The following RIC1 variants were observed in gnomAD, a reference collection of about 807,000 sequenced individuals.
RIC1 encodes the protein guanine nucleotide exchange factor subunit RIC1.
A neutral mutation model predicts 169.0 loss-of-function variants in RIC1; 88 were observed. That is an observed-to-expected ratio of 0.52 (90% confidence interval 0.44 to 0.62). RIC1 has a LOEUF of 0.62. RIC1 is among the 20% of genes least tolerant of loss of function. The pLI is 0.00. For missense variants in RIC1, 1,877 were observed against 1,725.5 expected (o/e 1.09, Z -1.56); for synonymous variants, 790 against 601.5 (o/e 1.31, Z -4.59).
chr9:5,664,030 C>T (rs1819610294), intron 2 of RIC1, among the ~76,000 whole-genome samples: 1 of 152,126 alleles, frequency 6.6e-6, no homozygotes, highest in Non-Finnish European at 1.5e-5. Flanking sequence ...GTTTGCTTGT[C>T]TGAACAGGAT....
chr9:5,720,882 T>C, intron 6 of RIC1, 132 bp downstream of exon 6: 1 of 757,536 alleles, frequency 1.3e-6, no homozygotes. Context: ...AAACCAAACA[T>C]ATAAATAGTA....
chr9:5,679,339 A>C (rs1333020605), intron 2 of RIC1, among the ~76,000 whole-genome samples: 1 of 152,064 alleles, frequency 6.6e-6, no homozygotes, highest in African/African-American at 2.4e-5. Flanking sequence ...TTTTGGTTCC[A>C]TATGAACTTT....
At chr9:5,745,641 C>A (rs78174217) in intron 10 of RIC1, among the ~76,000 whole-genome samples, 1 of 152,096 alleles carries the variant, frequency 6.6e-6, no homozygotes, top group Non-Finnish European at 1.5e-5. Flanking sequence ...AGAGAAGTTA[C>A]AGAGCACAGT....
At position 5,775,217 on chromosome 9, in the gene RIC1, G is replaced by A. The variant is rs1827515525; in HGVS notation, c.*971G>A. 1.3e-5 allele frequency: 2 copies of A among 152,170 alleles called. No individual in the cohort carries two copies. Among genetic ancestry groups the A allele is most frequent in the Admixed American group, 6.5e-5 (1 of 15,272 alleles). 9.4% of individuals were successfully genotyped at this position (152,170 alleles called of 1,614,324 possible). On this transcript the variant is annotated 3_prime_UTR_variant, in exon 26 of 26. Transcript: ENST00000414202. ...CTCTTATTTATTGCTTTTGTAAATTGAATAAAGATGGACTTCTATGTAAAT... is the reference window on the plus strand; with the variant it reads ...CTCTTATTTATTGCTTTTGTAAATTAAATAAAGATGGACTTCTATGTAAAT...
At chr9:5,727,980 A>C (rs1048276585) in intron 6 of RIC1, among the ~76,000 whole-genome samples, 1 of 152,148 alleles carries the variant, frequency 6.6e-6, no homozygotes, top group African/African-American at 2.4e-5. Context: ...CAGTTAGGCT[A>C]CTTATGGGTC....
chr9:5,774,349 G>A lies in RIC1; in HGVS notation c.*103G>A. On this transcript the variant is annotated 3_prime_UTR_variant, in exon 26 of 26. Coordinates refer to ENST00000414202, the MANE Select transcript of RIC1 (RefSeq NM_020829.4). ...ATTTAACAGGAGAACTCAGTTCAGA[G>A]ACTCTTCGGTAAGTATTAGTAGATT... 1.0e-6 allele frequency: 1 copy of A among 966,980 alleles called. No homozygotes were observed. The highest frequency in any genetic ancestry group is 1.5e-6 in the Non-Finnish European group (1 of 661,018). 59.9% of individuals were successfully genotyped at this position (966,980 alleles called of 1,614,324 possible). A position where few individuals can be genotyped will look rare whatever the true frequency, so the allele number is the denominator to read the frequency against.
In RIC1 at chr9:5,742,880, A is replaced by T. The variant is rs1344918796; in HGVS notation, c.913A>T (p.Lys305Ter). The T allele has an allele frequency of 6.2e-7, 1 of 1,612,368 alleles. No homozygotes were observed. Among genetic ancestry groups the T allele is most frequent in the Admixed American group, 1.7e-5 (1 of 59,914 alleles). ...TAKQYPDIWN[K>*]TGAVKLMRWS... ...CTATTTCCTAACAGACATTTGGAATAAAACAGGAGCTGTTAAATTGATGAG... is the reference window on the plus strand; with the variant it reads ...CTATTTCCTAACAGACATTTGGAATTAAACAGGAGCTGTTAAATTGATGAG... Residue 305 changes from lysine (K) to a stop codon, truncating the protein, a stop_gained, in exon 9 of 26, where the codon AAA becomes TAA. Coordinates refer to ENST00000414202, the MANE Select transcript of RIC1 (RefSeq NM_020829.4). LOFTEE classifies it high-confidence loss of function.
chr9:5,706,307 C>T (rs1176381496), intron 3 of RIC1, among the ~76,000 whole-genome samples: 1 of 152,114 alleles, frequency 6.6e-6, no homozygotes, highest in East Asian at 1.9e-4. Flanking sequence ...AAAAAATTAG[C>T]TGGGCATGGT....
intron 1 of RIC1, among the ~76,000 whole-genome samples, chr9:5,637,449 C>A (rs1818024874): frequency 6.6e-6 from 1 of 152,178 alleles, no homozygotes; most frequent in Non-Finnish European, 1.5e-5. Flanking sequence ...AAGCATTTAA[C>A]CTTCATGTTC....
chr9:5,694,899 A>C (rs1343361901), intron 3 of RIC1, among the ~76,000 whole-genome samples: 1 of 152,190 alleles, frequency 6.6e-6, no homozygotes, highest in Non-Finnish European at 1.5e-5. Flanking sequence ...CCATTTAAAA[A>C]GTATTGAATT....
chr9:5,725,928 G>T (rs7854033), intron 6 of RIC1, among the ~76,000 whole-genome samples: 65,991 of 151,866 alleles, frequency 0.43, 15,502 homozygotes, highest in East Asian at 0.85. Context: ...AGAGACAGTT[G>T]GTTATAATTT....
In RIC1 at chr9:5,732,845, C is replaced by G. The variant is rs1824452588; in HGVS notation, c.812+366C>G. 2.0e-5 allele frequency among the ~76,000 whole-genome samples: 3 copies of G among 152,064 alleles called. No homozygotes were observed. In the South Asian group the frequency reaches 6.2e-4, roughly 32 times the overall value. ...AAGACATCAGCATTCATGACGCCTT[C>G]AAATTAGTGAGTGTGCTTTAGTTAA... On this transcript the variant is annotated intron_variant, in intron 7 of 25. Coordinates refer to ENST00000414202, the MANE Select transcript of RIC1 (RefSeq NM_020829.4).
At chr9:5,632,843 A>C (rs1456333528) in intron 1 of RIC1, among the ~76,000 whole-genome samples, 2 of 152,220 alleles carry the variant, frequency 1.3e-5, no homozygotes, top group Non-Finnish European at 2.9e-5. Flanking sequence ...AAGTCTATAT[A>C]TGTGAACATC....
At chr9:5,665,101 T>G (rs1288719347) in intron 2 of RIC1, among the ~76,000 whole-genome samples, 1 of 152,166 alleles carries the variant, frequency 6.6e-6, no homozygotes, top group Non-Finnish European at 1.5e-5. Flanking sequence ...GTTCCTACAT[T>G]GGGAGCGTAT....
intron 2 of RIC1, among the ~76,000 whole-genome samples, chr9:5,659,936 C>T (rs956385125): frequency 6.6e-6 from 1 of 151,980 alleles, no homozygotes; most frequent in Non-Finnish European, 1.5e-5. Context: ...ACAGATTATG[C>T]CATCACCTAG....
In RIC1 at chr9:5,737,094, A is replaced by G. The variant is rs539287076; in HGVS notation, c.813-1356A>G. Reference sequence around the variant, plus strand: ...AGAACATTTGTTTCTCTTTCTCACTATAAATGTTGCATAAGTAATCTAAAA... The same window carrying G: ...AGAACATTTGTTTCTCTTTCTCACTGTAAATGTTGCATAAGTAATCTAAAA... On this transcript the variant is annotated intron_variant, in intron 7 of 25. Transcript: ENST00000414202. Among the ~76,000 whole-genome samples, 5 of 152,288 alleles carry G rather than the reference A, an allele frequency of 3.3e-5. No individual in the cohort carries two copies. In the East Asian group the frequency reaches 9.6e-4, roughly 29 times the overall value.
chr9:5,660,123 G>A (rs574672663), intron 2 of RIC1, among the ~76,000 whole-genome samples: 1 of 152,240 alleles, frequency 6.6e-6, no homozygotes, highest in African/African-American at 2.4e-5. Flanking sequence ...TTCTGTTCCT[G>A]TGTTAGTTTG....
rs1554673860 is a variant in RIC1 at position 5,722,348 on chromosome 9, AGTGT to A, written c.720+1629_720+1632del. 6.1e-4 allele frequency among the ~76,000 whole-genome samples: 80 copies of A among 131,324 alleles called. 1 individual carries two copies. The highest frequency in any genetic ancestry group is 3.8e-3 in the Middle Eastern group (1 of 266). 86.2% of individuals were successfully genotyped at this position (131,324 alleles called of 152,430 possible). A position where few individuals can be genotyped will look rare whatever the true frequency, so the allele number is the denominator to read the frequency against. On this transcript the variant is annotated intron_variant, in intron 6 of 25. Transcript: ENST00000414202. ...CTTGCAAAAACTATAAGAGAGAGAGAGTGTGTGTGTGTGTGTGTGTGTGTGTGTG... is the reference window on the plus strand; with the variant it reads ...CTTGCAAAAACTATAAGAGAGAGAGAGTGTGTGTGTGTGTGTGTGTGTGTG...
intron 25 of RIC1, 30 bp from the exon 26 acceptor site, chr9:5,773,921 TATGGCAG>T (rs747776160): frequency 6.6e-7 from 1 of 1,522,064 alleles, no homozygotes; most frequent in Non-Finnish European, 8.8e-7. Context: ...CCTTTTGAAT[TATGGCAG>T]ATGAGCTAAT....
Sources: gnomAD v4.1 joint callset for allele counts (sites outside exome capture counted in the v4.1 genomes callset) on GRCh38, gnomAD v4.1.1 for gene constraint, MANE v1.5 for transcripts, NCBI Gene and HGNC (gene_info 2026-07-23, HGNC 2026-07-21) for gene names.